LIPG: variants seen among roughly 807,000 people sequenced by gnomAD.
The protein encoded by LIPG is endothelial lipase.
Under a neutral mutation model 51.8 loss-of-function variants are expected in LIPG, and 34 were observed. The observed-to-expected ratio is 0.66, with a 90% confidence interval of 0.50 to 0.87. LIPG has a LOEUF of 0.87. Ranked by LOEUF, LIPG falls within the 40% of genes least tolerant of loss-of-function variation. LIPG has a pLI of 0.00. For synonymous variants in LIPG, 246 were observed against 246.1 expected (o/e 1.00, Z 0.00); for missense variants, 580 against 652.7 (o/e 0.89, Z 1.21).
intron 5 of LIPG, among the ~76,000 whole-genome samples, chr18:49,577,012 T>TTTTATTTTA (rs1308949305): frequency 6.6e-6 from 1 of 150,462 alleles, no homozygotes; most frequent in African/African-American, 2.5e-5. Context: ...TTTTATTTTA[T>TTTTATTTTA]TTTTTATTTA....
rs994293751 is a variant in LIPG at position 49,596,644 on chromosome 18, A to T, written c.*6122A>T. The T allele has an allele frequency of 1.3e-5, 2 of 150,786 alleles. No homozygotes were observed. The highest frequency in any genetic ancestry group is 3.0e-5 in the Non-Finnish European group (2 of 67,642). 9.3% of individuals were successfully genotyped at this position (150,786 alleles called of 1,614,324 possible). A position where few individuals can be genotyped will look rare whatever the true frequency, so the allele number is the denominator to read the frequency against. Reference sequence around the variant, plus strand: ...GAGCAAATCTCTATCTCAAAAAAAAAAAAAAAAAAAAAAAGGCCACAGAAA... The same window carrying T: ...GAGCAAATCTCTATCTCAAAAAAAATAAAAAAAAAAAAAAGGCCACAGAAA... On this transcript the variant is annotated 3_prime_UTR_variant, in exon 10 of 10. Transcript: ENST00000261292.
intron 5 of LIPG, among the ~76,000 whole-genome samples, chr18:49,576,456 GCTTTTT>G (rs2148851047): frequency 6.4e-5 from 2 of 31,308 alleles, no homozygotes; most frequent in African/African-American, 3.3e-4. Context: ...ACAGAATCTT[GCTTTTT>G]TTTTTTTTTT....
In LIPG at chr18:49,583,676, G is replaced by A. The variant is rs2084850178; in HGVS notation, c.1278G>A (p.Leu426=). ...GGGCCTCTCAGTCTTGGTACAACCT[G>A]TGGAAGGAGTTTCGCAGCTACCTGT... ...WEGASQSWYN[L]WKEFRSYLSQ... The change falls in exon 8 of 10, where the codon CTG becomes CTA. Residue 426 remains leucine, a synonymous_variant. Coordinates refer to ENST00000261292, the MANE Select transcript of LIPG (RefSeq NM_006033.4). 2 of 1,614,078 alleles carry A rather than the reference G, an allele frequency of 1.2e-6. No individual in the cohort carries two copies. The highest frequency in any genetic ancestry group is 1.3e-5 in the African/African-American group (1 of 74,942).
intron 8 of LIPG, among the ~76,000 whole-genome samples, chr18:49,586,342 A>C (rs765679629): frequency 6.6e-6 from 1 of 152,258 alleles, no homozygotes; most frequent in Non-Finnish European, 1.5e-5. Context: ...TTAAAACTCC[A>C]TGTTGCAAGA....
chr18:49,561,944 G>A, upstream of LIPG: 1 of 1,347,488 alleles, frequency 7.4e-7, no homozygotes, highest in Non-Finnish European at 9.5e-7. Flanking sequence ...TCCGGCGTCA[G>A]CAAGGTGTGA....
At chr18:49,584,895 C>T (rs1312028094) in intron 8 of LIPG, among the ~76,000 whole-genome samples, 1 of 152,198 alleles carries the variant, frequency 6.6e-6, no homozygotes, top group Non-Finnish European at 1.5e-5. Flanking sequence ...AATAGTTTTC[C>T]ATTTGGGTTT....
upstream of LIPG, chr18:49,561,739 A>G: frequency 8.0e-7 from 1 of 1,244,524 alleles, no homozygotes; most frequent in African/African-American, 1.5e-5. Context: ...TTTCAGGGAA[A>G]TGTCCGCCTC....
In LIPG at chr18:49,590,700, G is replaced by A. The variant is rs1292019312; in HGVS notation, c.*178G>A. On this transcript the variant is annotated 3_prime_UTR_variant, in exon 10 of 10. Coordinates refer to ENST00000261292, the MANE Select transcript of LIPG (RefSeq NM_006033.4). ...GGGACTCCTCGCGGGAGGGGACTGC[G>A]CTGCTATAGCTCTTGCTGCCTCTCT... is the stretch of plus-strand genomic sequence containing the variant. The A allele has an allele frequency of 2.2e-5, 15 of 679,568 alleles. No homozygotes were observed. The highest frequency in any genetic ancestry group is 5.3e-5 in the African/African-American group (3 of 56,620). 42.1% of individuals were successfully genotyped at this position (679,568 alleles called of 1,614,324 possible).
In LIPG at chr18:49,565,400, C is replaced by G; in HGVS notation, c.181C>G (p.His61Asp). The G allele has an allele frequency of 6.2e-7, 1 of 1,614,236 alleles. No homozygotes were observed. The highest frequency in any genetic ancestry group is 8.5e-7 in the Non-Finnish European group (1 of 1,180,032). The change falls in exon 2 of 10, where the codon CAT (histidine) becomes GAT (aspartate). Residue 61 changes from histidine (H) to aspartate (D), a missense_variant. His to Asp is a moderately conservative substitution (Grantham distance 81). Transcript: ENST00000261292. ...FNLRTSKDPE[H>D]EGCYLSVGHS... ...CCTCCGCACCTCCAAGGACCCAGAG[C>G]ATGAAGGATGCTACCTCTCCGTCGG... is the stretch of plus-strand genomic sequence containing the variant.
chr18:49,563,069 A>G (rs1286161290), intron 1 of LIPG, among the ~76,000 whole-genome samples: 1 of 152,146 alleles, frequency 6.6e-6, no homozygotes, highest in Non-Finnish European at 1.5e-5. Context: ...CAGTGGAGGC[A>G]GCTTGCCCTG....
chr18:49,561,802 C>A (rs545971293), upstream of LIPG: 1 of 1,256,004 alleles, frequency 8.0e-7, no homozygotes, highest in East Asian at 3.0e-5. Context: ...CGGAGGAGGG[C>A]AGTGGGAGAA....
chr18:49,565,465 A>G lies in LIPG; in HGVS notation c.246A>G (p.Thr82=), dbSNP rs748663538. The G allele has an allele frequency of 5.0e-6, 8 of 1,614,256 alleles. No individual in the cohort carries two copies. Among genetic ancestry groups the G allele is most frequent in the Non-Finnish European group, 6.8e-6 (8 of 1,180,056 alleles). Residue 82 remains threonine (T), a synonymous_variant, in exon 2 of 10, where the codon ACA becomes ACG. Coordinates refer to ENST00000261292, the MANE Select transcript of LIPG (RefSeq NM_006033.4). Reference sequence around the variant, plus strand: ...TAGAAGACTGCAGTTTCAACATGACAGCTAAAACCTTTTTCATCATTCACG... The same window carrying G: ...TAGAAGACTGCAGTTTCAACATGACGGCTAAAACCTTTTTCATCATTCACG... The part of the protein sequence containing the change: ...QPLEDCSFNM[T]AKTFFIIHGW...
chr18:49,584,695 T>C (rs1458379820), intron 8 of LIPG, among the ~76,000 whole-genome samples: 2 of 152,238 alleles, frequency 1.3e-5, no homozygotes, highest in African/African-American at 4.8e-5. Context: ...AGCTGAATGA[T>C]TCTAGTCTAG....
chr18:49,572,248 A>G (rs532803510), intron 4 of LIPG, among the ~76,000 whole-genome samples: 17 of 152,294 alleles, frequency 1.1e-4, no homozygotes, highest in Middle Eastern at 3.4e-3. Context: ...TGAACCCAGG[A>G]TGCGGAGGTT....
At chr18:49,564,442 T>C (rs147663486) in intron 1 of LIPG, among the ~76,000 whole-genome samples, 2,513 of 152,304 alleles carry the variant, frequency 0.016, 65 homozygotes, top group African/African-American at 0.057. Context: ...AGCAGGGCCG[T>C]CTCCTAGGTG....
intron 4 of LIPG, among the ~76,000 whole-genome samples, chr18:49,571,001 C>T (rs2084656099): frequency 6.6e-6 from 1 of 152,162 alleles, no homozygotes; most frequent in South Asian, 2.1e-4. Context: ...CTAGTATGTG[C>T]GTGCACACAC....
intron 3 of LIPG, among the ~76,000 whole-genome samples, chr18:49,568,804 TC>T (rs1315232808): frequency 6.6e-6 from 1 of 152,204 alleles, no homozygotes; most frequent in African/African-American, 2.4e-5. Flanking sequence ...CCTTCCTTGT[TC>T]CCATGGAATG....
intron 8 of LIPG, among the ~76,000 whole-genome samples, chr18:49,583,981 C>T (rs2084855569): frequency 6.6e-6 from 1 of 152,190 alleles, no homozygotes; most frequent in South Asian, 2.1e-4. Context: ...GAACATGGGC[C>T]CTCAGGGAGA....
chr18:49,575,380 G>C lies in LIPG; in HGVS notation c.583G>C (p.Ala195Pro). ...TCCTTCTGCTGCAGGTTTGGATCCT[G>C]CCGGGCCCATGTTTGAAGGGGCCGA... Reference protein sequence around the residue: ...TVGRITGLDPAGPMFEGADIH... With the variant: ...TVGRITGLDPPGPMFEGADIH... The change falls in exon 5 of 10, where the codon GCC becomes CCC. Residue 195 changes from alanine to proline, a missense_variant. Coordinates refer to ENST00000261292, the MANE Select transcript of LIPG (RefSeq NM_006033.4). The C allele has an allele frequency of 6.2e-7, 1 of 1,612,574 alleles. No individual in the cohort carries two copies. The highest frequency in any genetic ancestry group is 8.5e-7 in the Non-Finnish European group (1 of 1,180,010).
Sources: gnomAD v4.1 joint callset for allele counts (sites outside exome capture counted in the v4.1 genomes callset) on GRCh38, gnomAD v4.1.1 for gene constraint, MANE v1.5 for transcripts, NCBI Gene and HGNC (gene_info 2026-07-23, HGNC 2026-07-21) for gene names.